Variants in CDH13 observed in about 807,000 individuals in gnomAD.
The protein encoded by CDH13 is cadherin-13.
In CDH13, 24 loss-of-function variants were observed where a neutral mutation model predicts 63.8. That is an observed-to-expected ratio of 0.38 (90% CI 0.27 to 0.53). The LOEUF (loss-of-function observed/expected upper bound fraction) is 0.53. CDH13 is among the 20% of genes least tolerant of loss of function. The probability of loss-of-function intolerance (pLI) is 0.85; values close to 1 mark genes in which losing one functional copy is unlikely to be tolerated. For synonymous variants in CDH13, 503 were observed against 355.3 expected (o/e 1.42, Z -4.67); for missense variants, 1,049 against 903.1 (o/e 1.16, Z -2.07).
Position 83,047,256 on chromosome 16 carries a change from T to TA in CDH13, c.366+15038_366+15039insA, listed in dbSNP as rs1917882370. Among the ~76,000 whole-genome samples the TA allele has an allele frequency of 2.0e-5, 3 of 151,250 alleles. No homozygotes were observed. The highest frequency in any genetic ancestry group is 3.0e-5 in the Non-Finnish European group (2 of 67,586). ...CTGTGTATTTATTTATTTATTTATT[T>TA]TTTTGGTAAAGGCCTCTGCTGTGAA... On this transcript the variant is annotated intron_variant, in intron 3 of 13. Transcript: ENST00000567109. The surrounding 1 kb of genome is among the most constrained non-coding windows in gnomAD (Gnocchi z 4.9).
chr16:82,917,914 C>CAAACAAAAA (rs2042039715), intron 2 of CDH13, among the ~76,000 whole-genome samples: 1 of 45,948 alleles, frequency 2.2e-5, no homozygotes, highest in African/African-American at 6.8e-5. Context: ...GACTCCATGT[C>CAAACAAAAA]AAAAAAAAAA....
intron 11 of CDH13, among the ~76,000 whole-genome samples, chr16:83,759,779 T>C (rs893538075): frequency 6.6e-6 from 1 of 151,500 alleles, no homozygotes; most frequent in African/African-American, 2.4e-5. Context: ...ATAAAAAAAA[T>C]TATCCAAGTG....
At chr16:82,722,757 A>C (rs1436949501) in intron 1 of CDH13, among the ~76,000 whole-genome samples, 9 of 152,130 alleles carry the variant, frequency 5.9e-5, no homozygotes, top group Non-Finnish European at 1.3e-4. Context: ...GGAGTGAATA[A>C]TTCAGTTCCT....
chr16:83,051,747 C>T (rs1318130112), intron 3 of CDH13, among the ~76,000 whole-genome samples: 1 of 152,160 alleles, frequency 6.6e-6, no homozygotes, highest in Non-Finnish European at 1.5e-5. Flanking sequence ...ATCCCTGTAA[C>T]TCTAGTTATG....
At chr16:83,052,956 C>T (rs75678398) in intron 3 of CDH13, among the ~76,000 whole-genome samples, 3,817 of 152,062 alleles carry the variant, frequency 0.025, 160 homozygotes, top group African/African-American at 0.085. Flanking sequence ...ATTCTTTCCA[C>T]GATAGAAGAC....
chr16:83,278,739 T>C (rs1181283631), intron 5 of CDH13, among the ~76,000 whole-genome samples: 1 of 152,184 alleles, frequency 6.6e-6, no homozygotes, highest in Non-Finnish European at 1.5e-5. Flanking sequence ...GCCAAATATG[T>C]TAGAGGCTGG....
At chr16:83,539,537 A>T (rs1258811945) in intron 7 of CDH13, among the ~76,000 whole-genome samples, 1 of 152,242 alleles carries the variant, frequency 6.6e-6, no homozygotes, top group African/African-American at 2.4e-5. Flanking sequence ...GAAAACCGAA[A>T]CATTGAAAGA....
intron 3 of CDH13, among the ~76,000 whole-genome samples, chr16:83,049,802 C>T (rs904210273): frequency 5.3e-5 from 8 of 152,114 alleles, no homozygotes; most frequent in African/African-American, 1.9e-4. Flanking sequence ...AACACTGCTA[C>T]CAACCTGTGT....
intron 1 of CDH13, among the ~76,000 whole-genome samples, chr16:82,842,112 GTATATATATATATA>G (rs1239169050): frequency 1.7e-5 from 1 of 58,962 alleles, no homozygotes; most frequent in African/African-American, 6.8e-5. Flanking sequence ...ATATATATAT[GTATATATATATATA>G]TATATATATA....
intron 3 of CDH13, among the ~76,000 whole-genome samples, chr16:83,092,541 A>T (rs2033969462): frequency 6.6e-6 from 1 of 152,238 alleles, no homozygotes; most frequent in African/African-American, 2.4e-5. Flanking sequence ...AATATTGCAA[A>T]TCAATAGAAG....
chr16:83,621,203 A>G (rs576634846), intron 8 of CDH13, among the ~76,000 whole-genome samples: 143 of 152,274 alleles, frequency 9.4e-4, no homozygotes, highest in African/African-American at 3.3e-3. Context: ...GCAATTTACC[A>G]GTCCAGTGCC....
chr16:82,719,978 T>C (rs2032659743), intron 1 of CDH13, among the ~76,000 whole-genome samples: 1 of 152,064 alleles, frequency 6.6e-6, no homozygotes, highest in Admixed American at 6.6e-5. Context: ...TGCTAAATGG[T>C]ATAAACAAGA....
intron 8 of CDH13, among the ~76,000 whole-genome samples, chr16:83,663,979 G>C (rs1294894817): frequency 2.0e-5 from 3 of 149,622 alleles, no homozygotes; most frequent in Non-Finnish European, 4.4e-5. Flanking sequence ...GGGCAACTTA[G>C]TAGGACTCCC....
intron 1 of CDH13, among the ~76,000 whole-genome samples, chr16:82,641,848 A>G (rs781347354): frequency 1.3e-5 from 2 of 152,184 alleles, no homozygotes; most frequent in Admixed American, 6.5e-5. Context: ...GAGAGAGACA[A>G]TAAAAAAATG....
chr16:82,997,988 T>C (rs1469095586), intron 2 of CDH13, among the ~76,000 whole-genome samples: 1 of 152,194 alleles, frequency 6.6e-6, no homozygotes, highest in African/African-American at 2.4e-5. Context: ...GTATAGAAGA[T>C]ATCAGTGTTG....
chr16:83,576,676 G>A (rs1316249254), intron 7 of CDH13, among the ~76,000 whole-genome samples: 1 of 152,126 alleles, frequency 6.6e-6, no homozygotes, highest in African/African-American at 2.4e-5. Context: ...GCTATTTTCT[G>A]TTGTTGCTGT....
At chr16:82,809,181 G>C (rs1050049362) in intron 1 of CDH13, among the ~76,000 whole-genome samples, 4 of 151,966 alleles carry the variant, frequency 2.6e-5, no homozygotes, top group Admixed American at 2.6e-4. Flanking sequence ...GAAAATATCT[G>C]TTTCCTCATA....
At chr16:83,324,549 A>C (rs1179376460) in intron 5 of CDH13, among the ~76,000 whole-genome samples, 4 of 152,216 alleles carry the variant, frequency 2.6e-5, no homozygotes, top group Admixed American at 1.3e-4. Flanking sequence ...GATGTTTTCC[A>C]GGTTCCCCCA....
intron 1 of CDH13, among the ~76,000 whole-genome samples, chr16:82,819,483 C>T (rs753791696): frequency 1.6e-4 from 25 of 152,314 alleles, no homozygotes; most frequent in South Asian, 1.4e-3. Context: ...GTTCCTCCAG[C>T]TCTTTTGTCC....
Sources: allele counts gnomAD v4.1 joint callset (sites outside exome capture counted in the v4.1 genomes callset), GRCh38; gene constraint gnomAD v4.1.1; non-coding constraint Gnocchi (gnomAD v3.1); transcripts MANE v1.5; gene names NCBI Gene and HGNC (gene_info 2026-07-23, HGNC 2026-07-21).